The following MYO19 variants were observed in gnomAD, a reference collection of about 807,000 sequenced individuals.
MYO19 encodes unconventional myosin-XIX.
In MYO19, 132 loss-of-function variants were observed where a neutral mutation model predicts 129.2. That is an observed-to-expected ratio of 1.02 (90% confidence interval 0.89 to 1.18). The LOEUF (loss-of-function observed/expected upper bound fraction) is 1.18, where lower values mean the gene tolerates loss of function less well. Ranked by LOEUF, MYO19 falls within the 50% of genes most tolerant of loss-of-function variation. The pLI is 0.00. For synonymous variants in MYO19, 531 were observed against 477.2 expected, an observed-to-expected ratio of 1.11 and a Z score of -1.47; for missense variants, 1,210 against 1,216.7, an observed-to-expected ratio of 0.99 and a Z score of 0.08.
chr17:36,497,572 T>C lies in MYO19; in HGVS notation c.2757+694A>G, dbSNP rs550559255. ...TTCCTCTTTTCTGTAATTGACCTAT[T>C]ATTACCCTAAACCAAACTTTTTTTT... is the stretch of plus-strand genomic sequence containing the variant. On this transcript the variant is annotated intron_variant, in intron 25 of 25. Coordinates refer to ENST00000614623, the MANE Select transcript of MYO19 (RefSeq NM_001163735.2). 6 of 984,796 alleles carry C rather than the reference T, an allele frequency of 6.1e-6. No individual in the cohort carries two copies. In the South Asian group the frequency reaches 2.8e-4, roughly 46 times the overall value. 61.0% of individuals were successfully genotyped at this position (984,796 alleles called of 1,614,324 possible).
chr17:36,510,649 G>GGCCTGT (rs1435269808), intron 13 of MYO19, 97 bp downstream of exon 13: 1 of 1,358,242 alleles, frequency 7.4e-7, no homozygotes, highest in Non-Finnish European at 1.0e-6. Context: ...TCCCACCCTG[G>GGCCTGT]GCCTGTGCCT....
In MYO19 at chr17:36,507,312, G is replaced by A. The variant is rs549866808; in HGVS notation, c.1467+87C>T. On this transcript the variant is annotated intron_variant, in intron 16 of 25. Transcript: ENST00000614623. ...TATTTGGCAGACTGGGAGGAGAGAGGCACAGAGAGGAAACAGGATAATCAT... is the reference window on the plus strand; with the variant it reads ...TATTTGGCAGACTGGGAGGAGAGAGACACAGAGAGGAAACAGGATAATCAT... The A allele has an allele frequency of 6.3e-6, 9 of 1,433,814 alleles. No individual in the cohort carries two copies. In the East Asian group the frequency reaches 1.8e-4, roughly 29 times the overall value. 88.8% of individuals were successfully genotyped at this position (1,433,814 alleles called of 1,614,324 possible).
At chr17:36,500,740 G>A in intron 23 of MYO19, 90 bp downstream of exon 23, 1 of 1,483,934 alleles carries the variant, frequency 6.7e-7, no homozygotes, top group Non-Finnish European at 9.0e-7. Context: ...CACAGCTTCA[G>A]GAGATGGGGA....
rs1329322157 is a variant in MYO19, at chr17:36,525,259, A to C, written c.383T>G (p.Ile128Ser). ...AGCACCACTCTCTCCACTGACAACA[A>C]TAGACTGGTTGACTGGTTCAATCAG... ...KSLIEPVNQS[I>S]VVSGESGAGK... The change falls in exon 6 of 26, where the codon ATT becomes AGT. Residue 128 changes from isoleucine (I) to serine (S), a missense_variant. By Grantham distance (142) the Ile-to-Ser change is moderately radical. Coordinates refer to ENST00000614623, the MANE Select transcript of MYO19 (RefSeq NM_001163735.2). 1 of 1,613,964 alleles carries C rather than the reference A, an allele frequency of 6.2e-7. No individual in the cohort carries two copies. The highest frequency in any genetic ancestry group is 1.1e-5 in the South Asian group (1 of 91,068).
At chr17:36,537,310 C>G, upstream of MYO19, 1 of 1,613,814 alleles carries the variant, frequency 6.2e-7, no homozygotes, top group Non-Finnish European at 8.5e-7. Context: ...CCCATGGTAG[C>G]CACTTTGACC....
chr17:36,519,639 CAA>C (rs11431632), intron 6 of MYO19, among the ~76,000 whole-genome samples: 7 of 133,442 alleles, frequency 5.2e-5, no homozygotes, highest in Non-Finnish European at 6.5e-5. Context: ...TCTAAAGAGA[CAA>C]AAAAAAAAAA....
chr17:36,512,033 C>A (rs143187710), intron 11 of MYO19, among the ~76,000 whole-genome samples: 187 of 152,246 alleles, frequency 1.2e-3, no homozygotes, highest in Middle Eastern at 0.01. Flanking sequence ...TCCCCTCACC[C>A]CACCAAGGCC....
At chr17:36,508,919 T>C in intron 14 of MYO19, 143 bp downstream of exon 14, 1 of 696,290 alleles carries the variant, frequency 1.4e-6, no homozygotes, top group East Asian at 2.7e-5. Context: ...TCTCGCTCTA[T>C]GCTGGCAGGC....
chr17:36,521,701 C>A (rs2073138562), intron 6 of MYO19, among the ~76,000 whole-genome samples: 1 of 152,114 alleles, frequency 6.6e-6, no homozygotes, highest in African/African-American at 2.4e-5. Flanking sequence ...AAAAAGAAAT[C>A]ACCATTATGG....
rs1453189091 is a variant in MYO19 at position 36,503,117 on chromosome 17, T to G, written c.2060A>C (p.Tyr687Ser). 2 of 1,613,898 alleles carry G rather than the reference T, an allele frequency of 1.2e-6. No individual in the cohort carries two copies. The highest frequency in any genetic ancestry group is 4.5e-5 in the East Asian group (2 of 44,880). ...CTCACCAGGGAGCCCTTTGGCAGGA[T>G]ATGGGCTGTCGGGGCCAGAGGATGT... ...PCTSSGPDSP[Y>S]PAKGLPEWCP... The change falls in exon 21 of 26, where the codon TAT becomes TCT. Residue 687 changes from tyrosine (Y) to serine (S), a missense_variant. By Grantham distance (144) the Tyr-to-Ser change is moderately radical (BLOSUM62 -2). Coordinates refer to ENST00000614623, the MANE Select transcript of MYO19 (RefSeq NM_001163735.2).
At chr17:36,512,873 C>G (rs371300904) in intron 11 of MYO19, 15 of 1,171,098 alleles carry the variant, frequency 1.3e-5, no homozygotes, top group South Asian at 1.5e-5. Context: ...GCCCAGCTCA[C>G]CTGGGGCAGT....
At chr17:36,518,775 G>A (rs2072961703) in intron 6 of MYO19, among the ~76,000 whole-genome samples, 1 of 151,132 alleles carries the variant, frequency 6.6e-6, no homozygotes, top group African/African-American at 2.4e-5. Flanking sequence ...TTTAAACCCA[G>A]GCATAGTGAG....
intron 23 of MYO19, 146 bp downstream of exon 23, chr17:36,500,684 G>T: frequency 1.7e-6 from 2 of 1,159,322 alleles, no homozygotes; most frequent in Non-Finnish European, 2.4e-6. Flanking sequence ...GGGGGACAGG[G>T]AATTTGAATC....
rs1341073546 is a variant in MYO19, at chr17:36,528,206, G to A, written c.13-4C>T. 1.3e-6 allele frequency: 2 copies of A among 1,568,870 alleles called. No homozygotes were observed. Among genetic ancestry groups the A allele is most frequent in the Non-Finnish European group, 1.7e-6 (2 of 1,156,310 alleles). ...ACCCCGGATTGTGGCCATTGACCTGGAAGAGATAACGTGAAGGTGAGGCCA... is the reference window on the plus strand; with the variant it reads ...ACCCCGGATTGTGGCCATTGACCTGAAAGAGATAACGTGAAGGTGAGGCCA... On this transcript the variant is annotated splice_region_variant and splice_polypyrimidine_tract_variant and intron_variant, in intron 3 of 25. Transcript: ENST00000614623.
upstream of MYO19, chr17:36,537,720 T>A (rs1334939813): frequency 6.2e-7 from 1 of 1,614,118 alleles, no homozygotes; most frequent in Admixed American, 1.7e-5. Context: ...GTACTCTGTT[T>A]GGCCATTAGT....
chr17:36,515,896 T>C lies in MYO19; in HGVS notation c.509A>G (p.Gln170Arg). The C allele has an allele frequency of 6.2e-7, 1 of 1,613,750 alleles. No individual in the cohort carries two copies. Among genetic ancestry groups the C allele is most frequent in the Non-Finnish European group, 8.5e-7 (1 of 1,179,652 alleles). ...GACAGGGTTGGAGTTCAGGATCCTC[T>C]GTTCTATCCTCTCTGCAATCTTGTG... is the stretch of plus-strand genomic sequence containing the variant. The part of the protein sequence containing the change: ...ESHKIAERIE[Q>R]RILNSNPVME... Residue 170 changes from glutamine (Q) to arginine (R), a missense_variant, in exon 7 of 26, where the codon CAG (glutamine) becomes CGG (arginine). Gln to Arg is a conservative substitution (Grantham distance 43, BLOSUM62 1). Coordinates refer to ENST00000614623, the MANE Select transcript of MYO19 (RefSeq NM_001163735.2).
At chr17:36,539,044 C>T (rs748766158), upstream of MYO19, 10 of 170,370 alleles carry the variant, frequency 5.9e-5, 1 homozygote, top group Non-Finnish European at 7.1e-5. Context: ...TGTGAGCCAC[C>T]ACACTGGGCC....
chr17:36,507,574 A>G, intron 15 of MYO19, 62 bp from the exon 16 acceptor site: 3 of 1,542,494 alleles, frequency 1.9e-6, no homozygotes. Flanking sequence ...CTGACGGGCC[A>G]TCCACGGCTG....
At position 36,532,540 on chromosome 17, in the gene MYO19, C is replaced by T. The variant is rs771139781; in HGVS notation, c.-2G>A. 35 of 1,554,766 alleles carry T rather than the reference C, an allele frequency of 2.3e-5. No individual in the cohort carries two copies. In the South Asian group the frequency reaches 4.0e-4, roughly 18 times the overall value. On this transcript the variant is annotated 5_prime_UTR_variant, in exon 3 of 26. Transcript: ENST00000614623. ...TTGAGGTTTTACCTGCTGGAGCATC[C>T]TCCTTCAAAGTGGTCAGCCAGGGTT...
Sources: gnomAD v4.1 joint callset for allele counts (sites outside exome capture counted in the v4.1 genomes callset) on GRCh38, gnomAD v4.1.1 for gene constraint, MANE v1.5 for transcripts, NCBI Gene and HGNC (gene_info 2026-07-23, HGNC 2026-07-21) for gene names.